The following NOP9 variants were observed in gnomAD, a reference collection of about 807,000 sequenced individuals.
NOP9 encodes the protein nucleolar protein 9.
In NOP9, 50 loss-of-function variants were observed where a neutral mutation model predicts 63.0. That is an observed-to-expected ratio of 0.79 (90% confidence interval 0.63 to 1.00). NOP9 has a LOEUF of 1.00. Ranked by LOEUF, NOP9 falls within the 50% of genes least tolerant of loss-of-function variation. The probability of loss-of-function intolerance (pLI) is 0.00; values close to 1 mark genes in which losing one functional copy is unlikely to be tolerated. For synonymous variants in NOP9, 343 were observed against 332.8 expected (o/e 1.03, Z -0.33); for missense variants, 758 against 803.0 (o/e 0.94, Z 0.68).
the NOP9 span, among the ~76,000 whole-genome samples, chr14:24,275,858 G>A: frequency 6.6e-6 from 1 of 152,354 alleles, no homozygotes; most frequent in African/African-American, 2.4e-5. Context: ...GGGTGCCAGG[G>A]ATCCAGTAGT....
chr14:24,304,557 G>C lies in NOP9; in HGVS notation c.1712G>C (p.Gly571Ala). 6.2e-7 allele frequency: 1 copy of C among 1,613,594 alleles called. No individual in the cohort carries two copies. Among genetic ancestry groups the C allele is most frequent in the Non-Finnish European group, 8.5e-7 (1 of 1,179,878 alleles). Residue 571 changes from glycine to alanine, a missense_variant, in exon 9 of 10, where the codon GGA becomes GCA. Physicochemically the swap from Gly to Ala is moderately conservative, Grantham distance 60. Coordinates refer to ENST00000267425, the MANE Select transcript of NOP9 (RefSeq NM_174913.3). ...GSRVLDAIWS[G>A]AALRARKEIA... ...CGTGTGCTAGATGCCATCTGGAGTG[G>C]AGCAGCCTTGAGGGCCCGGAAGGAA...
Position 24,300,759 on chromosome 14 carries a change from A to G in NOP9, c.599A>G (p.Asp200Gly). 6.2e-7 allele frequency: 1 copy of G among 1,614,090 alleles called. No homozygotes were observed. Among genetic ancestry groups the G allele is most frequent in the East Asian group, 2.2e-5 (1 of 44,880 alleles). The change falls in exon 2 of 10, where the codon GAC (aspartate) becomes GGC (glycine). Residue 200 changes from aspartate (D) to glycine (G), a missense_variant. Transcript: ENST00000267425. ...GATGATTTTCTTGTCTACTGTGGAG[A>G]CACACATGGCAGCTTCGTGGTCAGA... ...VCDDFLVYCG[D>G]THGSFVVRTL...
intron 7 of NOP9, 87 bp from the exon 8 acceptor site, chr14:24,303,954 A>G: frequency 6.3e-7 from 1 of 1,583,920 alleles, no homozygotes; most frequent in Non-Finnish European, 8.7e-7. Flanking sequence ...TGGTGACTTC[A>G]TCCAGGTGGA....
At chr14:24,299,093 A>G (rs200356670), upstream of NOP9, 112 of 1,613,310 alleles carry the variant, frequency 6.9e-5, 2 homozygotes, top group East Asian at 2.2e-3. Context: ...TTGGCCATTC[A>G]TGGGAGCTGC....
At position 24,304,975 on chromosome 14, in the gene NOP9, C is replaced by A; in HGVS notation, c.1791C>A (p.Gly597=). The part of the protein sequence containing the change: ...QNQELIRDPF[G]HHVARNVALT... ...AGGAGCTGATAAGAGACCCTTTCGGCCACCATGTGGCTCGAAATGTGGCCT... is the reference window on the plus strand; with the variant it reads ...AGGAGCTGATAAGAGACCCTTTCGGACACCATGTGGCTCGAAATGTGGCCT... Residue 597 remains glycine (G), a synonymous_variant, in exon 10 of 10, where the codon GGC becomes GGA. Coordinates refer to ENST00000267425, the MANE Select transcript of NOP9 (RefSeq NM_174913.3). The A allele has an allele frequency of 6.3e-7, 1 of 1,584,152 alleles. No homozygotes were observed. Among genetic ancestry groups the A allele is most frequent in the Non-Finnish European group, 8.6e-7 (1 of 1,166,918 alleles).
the NOP9 span, chr14:24,292,103 G>C: frequency 6.4e-7 from 1 of 1,553,976 alleles, no homozygotes; most frequent in African/African-American, 1.4e-5. Flanking sequence ...CACCTGGTGA[G>C]TGGGAGTATC....
the NOP9 span, among the ~76,000 whole-genome samples, chr14:24,272,897 C>T: frequency 6.6e-6 from 1 of 151,834 alleles, no homozygotes; most frequent in East Asian, 1.9e-4. Context: ...CTCCACAGTA[C>T]AAAGAAAAAA....
the NOP9 span, among the ~76,000 whole-genome samples, chr14:24,279,394 G>A: frequency 6.6e-6 from 1 of 152,226 alleles, no homozygotes; most frequent in African/African-American, 2.4e-5. Flanking sequence ...GATGGCCCAT[G>A]GGGGTTGCCA....
chr14:24,292,463 C>G, the NOP9 span: 3 of 1,475,610 alleles, frequency 2.0e-6, no homozygotes, highest in Non-Finnish European at 2.8e-6. Context: ...GCTGCCCACG[C>G]TCCCCAGTGT....
At chr14:24,271,353 A>G in the NOP9 span, 1 of 430,752 alleles carries the variant, frequency 2.3e-6, no homozygotes, top group Non-Finnish European at 4.0e-6. Context: ...GGCCCTTCCT[A>G]TAGCCCGATT....
At chr14:24,302,172 G>A (rs2041390024) in intron 4 of NOP9, 60 bp from the exon 5 acceptor site, 2 of 1,600,256 alleles carry the variant, frequency 1.2e-6, no homozygotes, top group East Asian at 2.2e-5. Flanking sequence ...AGGTGATGTA[G>A]TGCAACTGTA....
the NOP9 span, chr14:24,271,231 C>G: frequency 7.5e-7 from 1 of 1,335,100 alleles, no homozygotes; most frequent in Non-Finnish European, 1.0e-6. Context: ...CAGCTGTGTC[C>G]GGAAGCAGCA....
In NOP9 at chr14:24,306,918, T is replaced by G. The variant is rs967699256; in HGVS notation, c.*1823T>G. On this transcript the variant is annotated 3_prime_UTR_variant, in exon 10 of 10. Coordinates refer to ENST00000267425, the MANE Select transcript of NOP9 (RefSeq NM_174913.3). ...AATAGTGTTTAACCTTTTTGAGTCC[T>G]TACTCTGTGCCAGGTATGAGGACTT... 4 of 284,640 alleles carry G rather than the reference T, an allele frequency of 1.4e-5. No individual in the cohort carries two copies. The highest frequency in any genetic ancestry group is 6.4e-5 in the African/African-American group (3 of 46,958). The allele number at this position is 284,640 out of a possible 1,614,324, so 17.6% of individuals were successfully genotyped here.
Position 24,307,684 on chromosome 14 carries a change from C to T in NOP9, c.*2589C>T. ...CAGGTGGGGGCGGGTGGCTCAGGAG[C>T]TTGACAAGCCCACTGTGGAGTGGGG... On this transcript the variant is annotated 3_prime_UTR_variant, in exon 10 of 10. Coordinates refer to ENST00000267425, the MANE Select transcript of NOP9 (RefSeq NM_174913.3). 7.9e-7 allele frequency: 1 copy of T among 1,260,086 alleles called. No homozygotes were observed. Among genetic ancestry groups the T allele is most frequent in the Admixed American group, 2.0e-5 (1 of 49,444 alleles). The allele number at this position is 1,260,086 out of a possible 1,614,324, so 78.1% of individuals were successfully genotyped here.
upstream of NOP9, among the ~76,000 whole-genome samples, chr14:24,294,894 C>T (rs967433721): frequency 7.9e-5 from 12 of 152,188 alleles, no homozygotes; most frequent in Admixed American, 2.6e-4. Context: ...TGAGCTGACG[C>T]TGCCTGGTGT....
Position 24,306,681 on chromosome 14 carries a change from C to G in NOP9, c.*1586C>G. 1.2e-6 allele frequency: 1 copy of G among 866,984 alleles called. No homozygotes were observed. The highest frequency in any genetic ancestry group is 1.7e-5 in the South Asian group (1 of 59,124). The allele number at this position is 866,984 out of a possible 1,614,324, so 53.7% of individuals were successfully genotyped here. ...CCTAAAGGTTGCAGCTCTCCGTGTT[C>G]TTCAGTTTTTGGGGGATCCTAGCTA... On this transcript the variant is annotated 3_prime_UTR_variant, in exon 10 of 10. Transcript: ENST00000267425.
intron 2 of NOP9, among the ~76,000 whole-genome samples, chr14:24,301,189 A>T (rs541863075): frequency 6.6e-6 from 1 of 152,300 alleles, no homozygotes; most frequent in South Asian, 2.1e-4. Flanking sequence ...TACCCTTACT[A>T]CATGCAGCCC....
the NOP9 span, among the ~76,000 whole-genome samples, chr14:24,282,177 ACT>A: frequency 6.6e-6 from 1 of 152,174 alleles, no homozygotes; most frequent in Non-Finnish European, 1.5e-5. Context: ...ACAGAGTGAG[ACT>A]CTGTCTCAAA....
chr14:24,276,412 A>C, the NOP9 span, among the ~76,000 whole-genome samples: 1 of 151,172 alleles, frequency 6.6e-6, no homozygotes, highest in Non-Finnish European at 1.5e-5. Context: ...CTACAGGCAC[A>C]CACCCAGCTA....
Sources: allele counts gnomAD v4.1 joint callset (sites outside exome capture counted in the v4.1 genomes callset), GRCh38; gene constraint gnomAD v4.1.1; transcripts MANE v1.5; gene names NCBI Gene and HGNC (gene_info 2026-07-23, HGNC 2026-07-21).